ERBB4: variants seen among roughly 807,000 people sequenced by gnomAD.
The protein encoded by ERBB4 is erb-b2 receptor tyrosine kinase 4, also known as receptor tyrosine-protein kinase erbB-4.
ERBB4 carries 42 observed loss-of-function variants against 158.0 expected under a neutral mutation model. That is an observed-to-expected ratio of 0.27 (90% CI 0.21 to 0.34). The LOEUF (loss-of-function observed/expected upper bound fraction) is 0.34, where lower values mean the gene tolerates loss of function less well. ERBB4 is among the 10% of genes least tolerant of loss of function. ERBB4 has a pLI of 1.00. For synonymous variants in ERBB4, 583 were observed against 558.7 expected (o/e 1.04, Z -0.61); for missense variants, 1,333 against 1,624.1 (o/e 0.82, Z 3.08).
At chr2:212,276,187 T>C (rs1392878687) in intron 1 of ERBB4, among the ~76,000 whole-genome samples, 1 of 151,800 alleles carries the variant, frequency 6.6e-6, no homozygotes, top group Non-Finnish European at 1.5e-5. Flanking sequence ...TTTTTCATTT[T>C]TTGTTTACCC....
rs372446535 is a variant in ERBB4, at chr2:211,701,452, GGGTTCTTAAGATCA to G, written c.1489+501_1489+514del. On this transcript the variant is annotated intron_variant, in intron 12 of 27. Coordinates refer to ENST00000342788, the MANE Select transcript of ERBB4 (RefSeq NM_005235.3). ...TAACTGAATCCAAATCTCCACAGGA[GGGTTCTTAAGATCA>G]GGCAAGACGGCCGGGCGCGGTGGCT... Among the ~76,000 whole-genome samples the G allele has an allele frequency of 9.9e-4, 151 of 152,158 alleles. 1 individual carries two copies. The highest frequency in any genetic ancestry group is 3.4e-3 in the African/African-American group (141 of 41,528).
intron 25 of ERBB4, among the ~76,000 whole-genome samples, chr2:211,397,858 C>T (rs561065193): frequency 1.3e-5 from 2 of 152,298 alleles, no homozygotes; most frequent in South Asian, 4.1e-4. Flanking sequence ...TGCCCAGAAA[C>T]ATGCCTTTAG....
intron 20 of ERBB4, among the ~76,000 whole-genome samples, chr2:211,457,365 A>G (rs1393612489): frequency 6.6e-6 from 1 of 152,202 alleles, no homozygotes; most frequent in African/African-American, 2.4e-5. Flanking sequence ...TCCTCTACTC[A>G]TCTATCTTGC....
intron 1 of ERBB4, among the ~76,000 whole-genome samples, chr2:212,528,911 A>C (rs936055058): frequency 6.6e-6 from 1 of 152,196 alleles, no homozygotes; most frequent in Non-Finnish European, 1.5e-5. Flanking sequence ...CTATTTTAAG[A>C]TACTGAGAAA....
rs575198719 is a variant in ERBB4 at position 211,657,544 on chromosome 2, C to A, written c.1946+210G>T. 3.8e-5 allele frequency: 21 copies of A among 551,818 alleles called. No individual in the cohort carries two copies. The East Asian group carries it at 6.4e-4, about 17-fold the overall frequency. The allele number at this position is 551,818 out of a possible 1,614,324, so 34.2% of individuals were successfully genotyped here. ...AAAAAGAAATCGATGGTGTTACTAA[C>A]TGGGACTCTTGTATCACAATGAATG... On this transcript the variant is annotated intron_variant, in intron 16 of 27. Transcript: ENST00000342788.
intron 16 of ERBB4, among the ~76,000 whole-genome samples, chr2:211,639,291 G>T (rs1574906585): frequency 6.6e-6 from 1 of 152,266 alleles, no homozygotes; most frequent in East Asian, 1.9e-4. Flanking sequence ...GTATCACTAT[G>T]TCCTATTACT....
intron 1 of ERBB4, among the ~76,000 whole-genome samples, chr2:212,175,204 A>G (rs2081626144): frequency 6.6e-6 from 1 of 152,104 alleles, no homozygotes; most frequent in South Asian, 2.1e-4. Flanking sequence ...TTATGTTAAC[A>G]TATCACCAGC....
intron 2 of ERBB4, among the ~76,000 whole-genome samples, chr2:211,965,096 C>T (rs915260338): frequency 6.6e-5 from 10 of 152,080 alleles, no homozygotes; most frequent in Non-Finnish European, 1.2e-4. Context: ...ATTTGTATAA[C>T]TAATTGCCTC....
chr2:212,396,675 G>C (rs1270728700), intron 1 of ERBB4, among the ~76,000 whole-genome samples: 1 of 152,038 alleles, frequency 6.6e-6, no homozygotes, highest in Non-Finnish European at 1.5e-5. Flanking sequence ...AGATGGGACT[G>C]GTTCACAATA....
Position 211,387,929 on chromosome 2 carries a change from A to G in ERBB4, c.3183+16T>C. The G allele has an allele frequency of 6.3e-7, 1 of 1,591,574 alleles. No individual in the cohort carries two copies. Among genetic ancestry groups the G allele is most frequent in the Non-Finnish European group, 8.6e-7 (1 of 1,159,508 alleles). On this transcript the variant is annotated intron_variant, in intron 26 of 27. Transcript: ENST00000342788. The stretch of plus-strand genomic sequence containing the variant: ...CGAAAATCCTAAAAGATGAAGGTTG[A>G]TTGTGAAATACTTACTCCTGACATG...
At chr2:212,400,193 G>T (rs1004251321) in intron 1 of ERBB4, among the ~76,000 whole-genome samples, 2 of 152,162 alleles carry the variant, frequency 1.3e-5, no homozygotes, top group South Asian at 2.1e-4. Context: ...TTGAAAGATT[G>T]TAAGTAGAGA....
chr2:211,679,287 T>C lies in ERBB4; in HGVS notation c.1490-103A>G, dbSNP rs541332879. The C allele has an allele frequency of 8.2e-6, 11 of 1,348,202 alleles. No homozygotes were observed. In the East Asian group the frequency reaches 9.5e-5, roughly 12 times the overall value. 83.5% of individuals were successfully genotyped at this position (1,348,202 alleles called of 1,614,324 possible). ...TCTAAAGGAGTTCACTTAAAAGAGATATATGGCAAATGACTTTGGTGGCCT... is the reference window on the plus strand; with the variant it reads ...TCTAAAGGAGTTCACTTAAAAGAGACATATGGCAAATGACTTTGGTGGCCT... On this transcript the variant is annotated intron_variant, in intron 12 of 27. Coordinates refer to ENST00000342788, the MANE Select transcript of ERBB4 (RefSeq NM_005235.3).
chr2:211,399,358 G>A (rs1446922175), intron 25 of ERBB4, among the ~76,000 whole-genome samples: 1 of 152,156 alleles, frequency 6.6e-6, no homozygotes, highest in African/African-American at 2.4e-5. Context: ...TGAATCAAAG[G>A]AGAGATTAAA....
At chr2:211,601,823 G>A (rs2068809856) in intron 19 of ERBB4, among the ~76,000 whole-genome samples, 1 of 151,914 alleles carries the variant, frequency 6.6e-6, no homozygotes, top group African/African-American at 2.4e-5. Flanking sequence ...GATGGAGGGA[G>A]GGAGGGAGGC....
intron 2 of ERBB4, among the ~76,000 whole-genome samples, chr2:212,101,329 C>G (rs563163533): frequency 9.5e-6 from 1 of 105,014 alleles, no homozygotes; most frequent in East Asian, 2.1e-4. Flanking sequence ...GATCAAAATA[C>G]AAACACACAC....
In ERBB4 at chr2:212,037,392, C is replaced by T. The variant is rs73087377; in HGVS notation, c.234+87360G>A. The stretch of plus-strand genomic sequence containing the variant: ...AACAGGAGGCTTAGCCTAAGGAAAG[C>T]ACCAACTGGATAATGAGAGTTACCA... On this transcript the variant is annotated intron_variant, in intron 2 of 27. Transcript: ENST00000342788. 3.6e-3 allele frequency among the ~76,000 whole-genome samples: 541 copies of T among 152,270 alleles called. 2 individuals carry two copies. The highest frequency in any genetic ancestry group is 0.012 in the African/African-American group (516 of 41,564).
chr2:211,410,885 A>T (rs1300740591), intron 25 of ERBB4, among the ~76,000 whole-genome samples: 1 of 152,160 alleles, frequency 6.6e-6, no homozygotes, highest in Non-Finnish European at 1.5e-5. Flanking sequence ...ATTTGTAAAA[A>T]AAACCTTTGT....
At chr2:211,433,942 C>T (rs1005133934) in intron 20 of ERBB4, among the ~76,000 whole-genome samples, 1 of 152,100 alleles carries the variant, frequency 6.6e-6, no homozygotes, top group African/African-American at 2.4e-5. Context: ...TCGTCTGCTC[C>T]TACGTGTAAG....
chr2:212,125,107 G>A, intron 1 of ERBB4: 1 of 594,684 alleles, frequency 1.7e-6, no homozygotes, highest in South Asian at 1.9e-5. Context: ...GCTAATCACA[G>A]AGAGTAGGAA....
Sources: allele counts gnomAD v4.1 joint callset (sites outside exome capture counted in the v4.1 genomes callset), GRCh38; gene constraint gnomAD v4.1.1; transcripts MANE v1.5; gene names NCBI Gene and HGNC (gene_info 2026-07-23, HGNC 2026-07-21).